GK5: variants seen among roughly 807,000 people sequenced by gnomAD.
The protein encoded by GK5 is ATP:glycerol 3-phosphotransferase 5.
A neutral mutation model predicts 77.3 loss-of-function variants in GK5; 39 were observed. That is an observed-to-expected ratio of 0.50 (90% CI 0.39 to 0.66). The LOEUF (loss-of-function observed/expected upper bound fraction) is 0.66. Ranked by LOEUF, GK5 falls within the 30% of genes least tolerant of loss-of-function variation. GK5 has a pLI of 0.00. For synonymous variants in GK5, 211 were observed against 208.0 expected, an observed-to-expected ratio of 1.01 and a Z score of -0.13; for missense variants, 487 against 633.8, an observed-to-expected ratio of 0.77 and a Z score of 2.49.
At chr3:142,217,930 G>T (rs1391332017) in intron 1 of GK5, among the ~76,000 whole-genome samples, 5 of 151,418 alleles carry the variant, frequency 3.3e-5, no homozygotes, top group African/African-American at 1.2e-4. Flanking sequence ...TTTATGCAAG[G>T]CAAAAAAACT....
chr3:142,208,002 C>T (rs889011871), intron 3 of GK5, among the ~76,000 whole-genome samples: 29 of 152,038 alleles, frequency 1.9e-4, no homozygotes, highest in African/African-American at 6.8e-4. Flanking sequence ...TGTTTTAGTC[C>T]TCAATCTTGG....
At chr3:142,211,295 C>T (rs1305527336) in intron 3 of GK5, among the ~76,000 whole-genome samples, 2 of 152,294 alleles carry the variant, frequency 1.3e-5, no homozygotes, top group South Asian at 2.1e-4. Flanking sequence ...AATTATTCAG[C>T]TCAAAATGTC....
intron 5 of GK5, among the ~76,000 whole-genome samples, chr3:142,193,990 C>G (rs182346825): frequency 6.6e-6 from 1 of 152,170 alleles, no homozygotes; most frequent in South Asian, 2.1e-4. Context: ...ATCCACCCCC[C>G]TCGGCCTCCC....
chr3:142,192,580 A>T (rs2063867398), intron 5 of GK5, among the ~76,000 whole-genome samples: 1 of 152,144 alleles, frequency 6.6e-6, no homozygotes, highest in African/African-American at 2.4e-5. Flanking sequence ...CCTGGCCAAC[A>T]TGATGAAATC....
intron 4 of GK5, among the ~76,000 whole-genome samples, chr3:142,201,680 T>C (rs113063482): frequency 9.2e-5 from 14 of 152,094 alleles, no homozygotes; most frequent in Admixed American, 2.6e-4. Flanking sequence ...AAAGTAAAAC[T>C]GGGGAAATCC....
intron 9 of GK5, among the ~76,000 whole-genome samples, chr3:142,184,311 C>CA (rs751717169): frequency 3.2e-4 from 41 of 129,202 alleles, no homozygotes; most frequent in Non-Finnish European, 5.2e-4. Context: ...AAATGATAAC[C>CA]AAAAAAAAAC....
intron 3 of GK5, among the ~76,000 whole-genome samples, chr3:142,212,539 AAAAAAG>A (rs959164681): frequency 3.3e-5 from 5 of 152,106 alleles, no homozygotes; most frequent in Admixed American, 2.0e-4. Flanking sequence ...CTGTCTCAAG[AAAAAAG>A]AAAAAGAAAA....
At chr3:142,207,735 C>A (rs770752729) in intron 3 of GK5, among the ~76,000 whole-genome samples, 5 of 152,152 alleles carry the variant, frequency 3.3e-5, no homozygotes, top group Non-Finnish European at 7.3e-5. Context: ...CCCCCTGGAC[C>A]CAGCTTTCAC....
At chr3:142,212,189 AT>A (rs1474628947) in intron 3 of GK5, among the ~76,000 whole-genome samples, 1 of 150,880 alleles carries the variant, frequency 6.6e-6, no homozygotes, top group East Asian at 1.9e-4. Context: ...ACAAAAACAC[AT>A]TTTACAGTGG....
intron 4 of GK5, among the ~76,000 whole-genome samples, chr3:142,200,501 T>C (rs747977825): frequency 6.6e-6 from 1 of 152,192 alleles, no homozygotes; most frequent in Non-Finnish European, 1.5e-5. Context: ...TATAGATTTT[T>C]CACATTATTT....
In GK5 at chr3:142,181,581, A is replaced by T. The variant is rs1202729194; in HGVS notation, c.944-16T>A. ...GGATAAAAGCCTTGCAAAACAAACA[A>T]CGAATGTTAAGTCAAATATATGCAT... On this transcript the variant is annotated splice_polypyrimidine_tract_variant and intron_variant, in intron 10 of 15. Transcript: ENST00000392993. The T allele has an allele frequency of 6.6e-7, 1 of 1,517,178 alleles. No homozygotes were observed. The highest frequency in any genetic ancestry group is 9.1e-7 in the Non-Finnish European group (1 of 1,095,506). The allele number at this position is 1,517,178 out of a possible 1,614,324, so 94.0% of individuals were successfully genotyped here. A position where few individuals can be genotyped will look rare whatever the true frequency, so the allele number is the denominator to read the frequency against.
intron 5 of GK5, among the ~76,000 whole-genome samples, chr3:142,188,070 A>G (rs1324199228): frequency 1.3e-5 from 2 of 151,884 alleles, no homozygotes; most frequent in Non-Finnish European, 2.9e-5. Context: ...TTTTTTTTTA[A>G]AAAAAACAAA....
chr3:142,218,327 G>A (rs1337833224), intron 1 of GK5, among the ~76,000 whole-genome samples: 1 of 146,784 alleles, frequency 6.8e-6, no homozygotes, highest in Non-Finnish European at 1.5e-5. Flanking sequence ...GAGCTCAGGA[G>A]TTCACAACCA....
Position 142,213,612 on chromosome 3 carries a change from A to G in GK5, c.242-11T>C, listed in dbSNP as rs1445606265. 14 of 1,583,716 alleles carry G rather than the reference A, an allele frequency of 8.8e-6. No individual in the cohort carries two copies. The highest frequency in any genetic ancestry group is 1.2e-5 in the Non-Finnish European group (14 of 1,152,552). ...TCTGTATTCCTGCAGCTAAAAGTAA[A>G]GATGGATAAAACACATGTTTTAAAG... On this transcript the variant is annotated splice_polypyrimidine_tract_variant and intron_variant, in intron 2 of 15. Transcript: ENST00000392993.
intron 1 of GK5, among the ~76,000 whole-genome samples, chr3:142,218,684 G>A (rs1036922224): frequency 2.0e-5 from 3 of 152,074 alleles, no homozygotes; most frequent in Admixed American, 6.6e-5. Context: ...GTGACTTGGG[G>A]TTAGGCAAAG....
intron 4 of GK5, among the ~76,000 whole-genome samples, chr3:142,201,339 T>A (rs762258160): frequency 2.0e-5 from 3 of 152,184 alleles, no homozygotes; most frequent in Admixed American, 1.3e-4. Flanking sequence ...CTTGAATGAA[T>A]CTCCAGGGAA....
chr3:142,224,492 ACACTT>A (rs1166993883), intron 1 of GK5, among the ~76,000 whole-genome samples: 4 of 152,260 alleles, frequency 2.6e-5, no homozygotes, highest in African/African-American at 9.6e-5. Flanking sequence ...GTATAAATCA[ACACTT>A]CATTAATATG....
intron 15 of GK5, chr3:142,170,055 C>T (rs138346214): frequency 5.5e-4 from 277 of 502,198 alleles, no homozygotes; most frequent in African/African-American, 5.1e-3. Context: ...CAGAGACTGT[C>T]TGTTGCTAGA....
chr3:142,197,895 C>T (rs562179328), intron 5 of GK5, among the ~76,000 whole-genome samples: 25 of 151,864 alleles, frequency 1.6e-4, no homozygotes, highest in Admixed American at 1.2e-3. Flanking sequence ...TGGTGGCATG[C>T]GCCTGTAATC....
Sources: allele counts gnomAD v4.1 joint callset (sites outside exome capture counted in the v4.1 genomes callset), GRCh38; gene constraint gnomAD v4.1.1; transcripts MANE v1.5; gene names NCBI Gene and HGNC (gene_info 2026-07-23, HGNC 2026-07-21).